TBC1D19: variants seen among roughly 807,000 people sequenced by gnomAD.
TBC1D19 encodes the protein TBC1 domain family, member 19.
TBC1D19 carries 60 observed loss-of-function variants against 89.0 expected under a neutral mutation model. The observed-to-expected ratio is 0.67, with a 90% CI of 0.55 to 0.84. TBC1D19 has a LOEUF of 0.84. TBC1D19 is among the 40% of genes least tolerant of loss of function. The pLI, the probability that TBC1D19 is intolerant of heterozygous loss-of-function variation, is 0.00. For synonymous variants in TBC1D19, 189 were observed against 199.7 expected, an observed-to-expected ratio of 0.95 and a Z score of 0.45; for missense variants, 500 against 610.8, an observed-to-expected ratio of 0.82 and a Z score of 1.91.
At chr4:26,588,878 T>C (rs1352482610) in intron 1 of TBC1D19, among the ~76,000 whole-genome samples, 1 of 152,222 alleles carries the variant, frequency 6.6e-6, no homozygotes, top group Non-Finnish European at 1.5e-5. Context: ...CAATTAGGTC[T>C]AGTAGGCAAT....
chr4:26,764,011 G>A, the TBC1D19 span, among the ~76,000 whole-genome samples: 6 of 152,048 alleles, frequency 3.9e-5, no homozygotes, highest in Non-Finnish European at 7.4e-5. Flanking sequence ...CTATAAATAG[G>A]CAATTTTGCT....
At chr4:26,789,347 T>C in the TBC1D19 span, among the ~76,000 whole-genome samples, 2 of 152,174 alleles carry the variant, frequency 1.3e-5, no homozygotes, top group African/African-American at 2.4e-5. Flanking sequence ...GGGCAGAGGA[T>C]GATGTGTCAC....
At chr4:26,587,260 A>G (rs1739471246) in intron 1 of TBC1D19, among the ~76,000 whole-genome samples, 2 of 152,058 alleles carry the variant, frequency 1.3e-5, no homozygotes, top group Non-Finnish European at 2.9e-5. Context: ...TTTGCTGAAG[A>G]TTTTGTAACT....
chr4:26,653,581 G>C (rs1489291922), intron 7 of TBC1D19, among the ~76,000 whole-genome samples: 1 of 152,118 alleles, frequency 6.6e-6, no homozygotes, highest in Non-Finnish European at 1.5e-5. Flanking sequence ...TATATATTTA[G>C]GATAGTTAGC....
chr4:26,814,210 A>G, the TBC1D19 span, among the ~76,000 whole-genome samples: 7 of 152,232 alleles, frequency 4.6e-5, no homozygotes, highest in Non-Finnish European at 8.8e-5. Context: ...TTTTAAATCA[A>G]GAGGCTTGAA....
chr4:26,588,024 C>CTTT (rs573029265), intron 1 of TBC1D19, among the ~76,000 whole-genome samples: 16 of 119,312 alleles, frequency 1.3e-4, no homozygotes, highest in African/African-American at 3.3e-4. Flanking sequence ...CATATGTGTT[C>CTTT]TTTTTTTTTT....
At chr4:26,589,374 A>G (rs1480215242) in intron 1 of TBC1D19, among the ~76,000 whole-genome samples, 1 of 152,068 alleles carries the variant, frequency 6.6e-6, no homozygotes, top group African/African-American at 2.4e-5. Context: ...AGTTTTTCTC[A>G]TTGTTTCTAC....
At chr4:26,810,176 A>G in the TBC1D19 span, among the ~76,000 whole-genome samples, 1 of 152,220 alleles carries the variant, frequency 6.6e-6, no homozygotes, top group African/African-American at 2.4e-5. Flanking sequence ...ATCTGAGCCG[A>G]GGTGCTCACA....
chr4:26,594,794 C>T (rs1422391606), intron 1 of TBC1D19, among the ~76,000 whole-genome samples: 2 of 152,288 alleles, frequency 1.3e-5, no homozygotes, highest in East Asian at 1.9e-4. Flanking sequence ...CTCCTCAACC[C>T]CTCGGTCTCT....
rs984492225 is a variant in TBC1D19 at position 26,735,195 on chromosome 4, CAT to C, written c.1085-251_1085-250del. ...ACACATATATACACGTATATATACACATATATATATTCAAAGCTTTGATTTCT... is the reference window on the plus strand; with the variant it reads ...ACACATATATACACGTATATATACACATATATATTCAAAGCTTTGATTTCT... On this transcript the variant is annotated intron_variant, in intron 15 of 20. Transcript: ENST00000264866. 1.7e-3 allele frequency among the ~76,000 whole-genome samples: 258 copies of C among 151,254 alleles called. 2 individuals are homozygous for C. The highest frequency in any genetic ancestry group is 5.8e-3 in the African/African-American group (240 of 41,346).
chr4:26,739,753 T>C, intron 16 of TBC1D19, 111 bp from the exon 17 acceptor site: 1 of 550,620 alleles, frequency 1.8e-6, no homozygotes, highest in Non-Finnish European at 3.0e-6. Context: ...TAAACTTGTC[T>C]GGTGGTGTAT....
chr4:26,636,815 T>A (rs2042458223), intron 4 of TBC1D19, among the ~76,000 whole-genome samples: 2 of 152,152 alleles, frequency 1.3e-5, no homozygotes, highest in African/African-American at 2.4e-5. Flanking sequence ...TGTACATTTT[T>A]ACCTTTTACT....
At chr4:26,591,616 G>C (rs908170179) in intron 1 of TBC1D19, among the ~76,000 whole-genome samples, 1 of 152,126 alleles carries the variant, frequency 6.6e-6, no homozygotes, top group African/African-American at 2.4e-5. Flanking sequence ...AGAAAAGAGA[G>C]AAGAATCAAA....
chr4:26,584,575 A>G (rs551360724), intron 1 of TBC1D19, among the ~76,000 whole-genome samples: 235 of 152,268 alleles, frequency 1.5e-3, no homozygotes, highest in African/African-American at 5.5e-3. Flanking sequence ...TTTTCAGACC[A>G]GAGAAACGCT....
intron 7 of TBC1D19, among the ~76,000 whole-genome samples, chr4:26,651,289 C>G (rs1463530146): frequency 2.6e-5 from 4 of 151,978 alleles, no homozygotes; most frequent in Non-Finnish European, 5.9e-5. Flanking sequence ...GGCATTGAAT[C>G]TATAAATTAC....
the TBC1D19 span, among the ~76,000 whole-genome samples, chr4:26,829,066 C>T: frequency 6.6e-6 from 1 of 152,208 alleles, no homozygotes; most frequent in Non-Finnish European, 1.5e-5. Context: ...ATGCCCAGAA[C>T]TCAAGATTGG....
chr4:26,857,044 C>T, the TBC1D19 span, among the ~76,000 whole-genome samples: 14 of 152,198 alleles, frequency 9.2e-5, no homozygotes, highest in African/African-American at 1.2e-4. Flanking sequence ...TCCACCTTCA[C>T]TACACCACTT....
At chr4:26,705,883 GT>G (rs1420290277) in intron 13 of TBC1D19, among the ~76,000 whole-genome samples, 2 of 151,924 alleles carry the variant, frequency 1.3e-5, no homozygotes, top group Admixed American at 1.3e-4. Flanking sequence ...GAAAGTTTTT[GT>G]TTTGTTTTGT....
chr4:26,829,488 A>G, the TBC1D19 span, among the ~76,000 whole-genome samples: 1 of 152,126 alleles, frequency 6.6e-6, no homozygotes, highest in Non-Finnish European at 1.5e-5. Flanking sequence ...TTTAACTCCT[A>G]TTTCAGGGCC....
Sources: allele counts gnomAD v4.1 joint callset (sites outside exome capture counted in the v4.1 genomes callset), GRCh38; gene constraint gnomAD v4.1.1; transcripts MANE v1.5; gene names NCBI Gene and HGNC (gene_info 2026-07-23, HGNC 2026-07-21).